Variants in ROBO1 observed in about 807,000 individuals in gnomAD.
ROBO1 encodes roundabout homolog 1.
A neutral mutation model predicts 195.9 loss-of-function variants in ROBO1; 149 were observed. That is an observed-to-expected ratio of 0.76 (90% CI 0.67 to 0.87). The LOEUF (loss-of-function observed/expected upper bound fraction) is 0.87. ROBO1 is among the 40% of genes least tolerant of loss of function. The probability of loss-of-function intolerance (pLI) is 0.00; values close to 1 mark genes in which losing one functional copy is unlikely to be tolerated. For synonymous variants in ROBO1, 816 were observed against 733.2 expected, an observed-to-expected ratio of 1.11 and a Z score of -1.82; for missense variants, 1,933 against 2,068.3, an observed-to-expected ratio of 0.93 and a Z score of 1.27.
intron 3 of ROBO1, among the ~76,000 whole-genome samples, chr3:78,964,953 C>T (rs984431220): frequency 1.3e-5 from 2 of 151,578 alleles, no homozygotes; most frequent in African/African-American, 2.4e-5. Context: ...CAGGCATGAG[C>T]CACTGCGCCC....
At chr3:79,759,300 G>A (rs1156614766) in intron 1 of ROBO1, among the ~76,000 whole-genome samples, 2 of 152,110 alleles carry the variant, frequency 1.3e-5, no homozygotes, top group Non-Finnish European at 2.9e-5. Context: ...TTTGTGCTTG[G>A]ATTAATATTT....
intron 2 of ROBO1, among the ~76,000 whole-genome samples, chr3:79,545,702 GTTTTTTCTTTA>G (rs1241025210): frequency 1.3e-5 from 2 of 152,034 alleles, no homozygotes; most frequent in East Asian, 3.9e-4. Flanking sequence ...TGGTAGGTAG[GTTTTTTCTTTA>G]TTTTAGTAGC....
At chr3:79,488,280 C>T (rs1398490361) in intron 2 of ROBO1, among the ~76,000 whole-genome samples, 2 of 152,116 alleles carry the variant, frequency 1.3e-5, no homozygotes, top group Non-Finnish European at 2.9e-5. Flanking sequence ...TCTGTCTCTT[C>T]CCCTCCGTTT....
chr3:79,656,748 A>T (rs74351243), intron 1 of ROBO1, among the ~76,000 whole-genome samples: 15 of 152,040 alleles, frequency 9.9e-5, no homozygotes, highest in South Asian at 4.2e-4. Context: ...ATTAAAAAAA[A>T]TAGCTGAGCA....
rs565930109 is a variant in ROBO1, at chr3:78,971,377, T to C, written c.173-32450A>G. On this transcript the variant is annotated intron_variant, in intron 3 of 30. Coordinates refer to ENST00000464233, the MANE Select transcript of ROBO1 (RefSeq NM_002941.4). ...GCACTGCACTCCAGCCTGGGTGTCC[T>C]AGCAAGACCCTGTCTCAAAAAAAGA... Among the ~76,000 whole-genome samples the C allele has an allele frequency of 3.5e-4, 54 of 152,146 alleles. No individual in the cohort carries two copies. The South Asian group carries it at 9.3e-3, about 26-fold the overall frequency.
At chr3:78,950,104 G>A (rs1404998042) in intron 3 of ROBO1, among the ~76,000 whole-genome samples, 2 of 152,126 alleles carry the variant, frequency 1.3e-5, no homozygotes, top group Non-Finnish European at 2.9e-5. Flanking sequence ...TCCGTGTGGC[G>A]ATTCCTCAGG....
At chr3:79,183,552 T>A (rs1449382056) in intron 2 of ROBO1, among the ~76,000 whole-genome samples, 1 of 152,180 alleles carries the variant, frequency 6.6e-6, no homozygotes, top group Non-Finnish European at 1.5e-5. Context: ...AATAGATCTG[T>A]CTCCTTGCTA....
chr3:79,713,810 A>G (rs1702371665), intron 1 of ROBO1, among the ~76,000 whole-genome samples: 2 of 152,258 alleles, frequency 1.3e-5, no homozygotes, highest in African/African-American at 4.8e-5. Context: ...CTTTCTACAT[A>G]TGGCTAGCCA....
intron 3 of ROBO1, among the ~76,000 whole-genome samples, chr3:78,952,369 T>C (rs1020225573): frequency 2.7e-5 from 4 of 149,608 alleles, no homozygotes; most frequent in Non-Finnish European, 4.4e-5. Context: ...ATATATAATA[T>C]ATAAAAATCT....
At chr3:79,173,908 A>G (rs1171256014) in intron 2 of ROBO1, among the ~76,000 whole-genome samples, 1 of 152,152 alleles carries the variant, frequency 6.6e-6, no homozygotes, top group Non-Finnish European at 1.5e-5. Context: ...TGTCTAGCTC[A>G]GGGTTTGTGA....
intron 3 of ROBO1, among the ~76,000 whole-genome samples, chr3:79,059,843 T>C (rs192937051): frequency 3.7e-4 from 56 of 152,134 alleles, no homozygotes; most frequent in Admixed American, 1.8e-3. Flanking sequence ...AAAACATGTG[T>C]GTTTGAACAA....
chr3:79,741,056 G>A (rs1040406462), intron 1 of ROBO1, among the ~76,000 whole-genome samples: 1 of 152,164 alleles, frequency 6.6e-6, no homozygotes, highest in Non-Finnish European at 1.5e-5. Context: ...ATAAGACTTA[G>A]TTTTGCCAAG....
At chr3:78,766,859 G>C (rs2083240893) in intron 4 of ROBO1, among the ~76,000 whole-genome samples, 1 of 152,112 alleles carries the variant, frequency 6.6e-6, no homozygotes, top group Non-Finnish European at 1.5e-5. Flanking sequence ...TGCTTTTTCT[G>C]CATCTATTGA....
chr3:79,035,028 T>C (rs887213843), intron 3 of ROBO1, among the ~76,000 whole-genome samples: 2 of 152,058 alleles, frequency 1.3e-5, no homozygotes, highest in African/African-American at 4.8e-5. Flanking sequence ...ATAAGAAAGA[T>C]ACAATATTTA....
chr3:79,256,073 T>A (rs1301222434), intron 2 of ROBO1, among the ~76,000 whole-genome samples: 2 of 152,168 alleles, frequency 1.3e-5, no homozygotes, highest in African/African-American at 2.4e-5. Flanking sequence ...TCACACACAA[T>A]TTTCATTCTA....
intron 2 of ROBO1, among the ~76,000 whole-genome samples, chr3:79,143,001 A>T (rs2080560078): frequency 1.3e-5 from 2 of 152,274 alleles, no homozygotes; most frequent in Admixed American, 6.5e-5. Context: ...TACGTCTTCA[A>T]CATAAACCGT....
At chr3:78,760,922 TC>T (rs1191447801) in intron 4 of ROBO1, among the ~76,000 whole-genome samples, 1 of 152,152 alleles carries the variant, frequency 6.6e-6, no homozygotes, top group Admixed American at 6.5e-5. Context: ...TCTTTTTTTT[TC>T]TTCACCCAAC....
chr3:79,285,457 A>G (rs1050435134), intron 2 of ROBO1, among the ~76,000 whole-genome samples: 22 of 152,190 alleles, frequency 1.4e-4, no homozygotes, highest in African/African-American at 5.3e-4. Context: ...TTTTAACCAT[A>G]CACTACTCAA....
In ROBO1 at chr3:79,122,632, C is replaced by T. The variant is rs190749980; in HGVS notation, c.172+2824G>A. Among the ~76,000 whole-genome samples, 111 of 151,908 alleles carry T rather than the reference C, an allele frequency of 7.3e-4. 2 individuals carry two copies. Among genetic ancestry groups the T allele is most frequent in the Non-Finnish European group, 4.6e-4 (31 of 67,846 alleles). On this transcript the variant is annotated intron_variant, in intron 3 of 30. Coordinates refer to ENST00000464233, the MANE Select transcript of ROBO1 (RefSeq NM_002941.4). The stretch of plus-strand genomic sequence containing the variant: ...GTATGATATGAGATCCATGCACTCT[C>T]GTTAAATGGGTCAGTTTGATAGTGA...
Sources: allele counts gnomAD v4.1 joint callset (sites outside exome capture counted in the v4.1 genomes callset), GRCh38; gene constraint gnomAD v4.1.1; transcripts MANE v1.5; gene names NCBI Gene and HGNC (gene_info 2026-07-23, HGNC 2026-07-21).